The following SARDH variants were observed in gnomAD, a reference collection of about 807,000 sequenced individuals.
SARDH encodes the protein sarcosine dehydrogenase, mitochondrial.
Under a neutral mutation model 109.1 loss-of-function variants are expected in SARDH, and 95 were observed. The observed-to-expected ratio is 0.87, with a 90% CI of 0.74 to 1.03. The LOEUF is 1.03. Ranked by LOEUF, SARDH falls within the 50% of genes least tolerant of loss-of-function variation. The probability of loss-of-function intolerance (pLI) is 0.00; values close to 1 mark genes in which losing one functional copy is unlikely to be tolerated. For synonymous variants in SARDH, 572 were observed against 534.8 expected (o/e 1.07, Z -0.96); for missense variants, 1,267 against 1,287.8 (o/e 0.98, Z 0.25).
rs1588410346 is a variant in SARDH, at chr9:133,692,160, G to A, written c.1922-1633C>T. ...CCAGACTCTGACTCAATTCTCCATC[G>A]CAGCCCCGGGAGGCGCGTCTTCCTC... On this transcript the variant is annotated intron_variant, in intron 15 of 20. Coordinates refer to ENST00000439388, the MANE Select transcript of SARDH (RefSeq NM_001134707.2). The surrounding 1 kb of genome is among the most constrained non-coding windows in gnomAD (Gnocchi z 5.0). Among the ~76,000 whole-genome samples the A allele has an allele frequency of 6.6e-6, 1 of 152,094 alleles. No homozygotes were observed. The highest frequency in any genetic ancestry group is 1.9e-4 in the East Asian group (1 of 5,188).
chr9:133,686,825 G>C lies in SARDH; in HGVS notation c.2070-1539C>G, dbSNP rs1240458506. Among the ~76,000 whole-genome samples, 1 of 152,206 alleles carries C rather than the reference G, an allele frequency of 6.6e-6. No individual in the cohort carries two copies. The highest frequency in any genetic ancestry group is 1.5e-5 in the Non-Finnish European group (1 of 68,034). ...GCTCAGCTGTGGTACAGTTGGCCAA[G>C]ACCCTTATGTAACCACTCAGCACCC... is the stretch of plus-strand genomic sequence containing the variant. On this transcript the variant is annotated intron_variant, in intron 16 of 20. Transcript: ENST00000439388. The surrounding 1 kb of genome is among the most constrained non-coding windows in gnomAD (Gnocchi z 4.0).
chr9:133,679,756 G>A (rs889668588), intron 17 of SARDH, among the ~76,000 whole-genome samples: 7 of 152,242 alleles, frequency 4.6e-5, no homozygotes, highest in Non-Finnish European at 8.8e-5. Context: ...CCAGCCTCTC[G>A]GAGAACAATC....
At chr9:133,737,082 C>A (rs1832909502) in intron 1 of SARDH, among the ~76,000 whole-genome samples, 1 of 152,198 alleles carries the variant, frequency 6.6e-6, no homozygotes, top group Non-Finnish European at 1.5e-5. Context: ...TCTCTCCTGC[C>A]CCCTCTTCTG....
Position 133,663,804 on chromosome 9 carries a change from T to TGGGTCCA in SARDH, c.*78_*84dup, listed in dbSNP as rs1276265034. ...GGACAGGGAGGGCACAAGTTCTGGCTGGGTCCAGGGTCCTGGGACCCAGGG... is the reference window on the plus strand; with the variant it reads ...GGACAGGGAGGGCACAAGTTCTGGCTGGGTCCAGGGTCCAGGGTCCTGGGACCCAGGG... On this transcript the variant is annotated 3_prime_UTR_variant, in exon 21 of 21. Coordinates refer to ENST00000439388, the MANE Select transcript of SARDH (RefSeq NM_001134707.2). The TGGGTCCA allele has an allele frequency of 3.1e-5, 48 of 1,565,486 alleles. No homozygotes were observed. The highest frequency in any genetic ancestry group is 4.0e-5 in the Non-Finnish European group (46 of 1,151,940).
At position 133,730,163 on chromosome 9, in the gene SARDH, CGGTCACTG is replaced by C. The variant is rs1247220655; in HGVS notation, c.707_714del (p.Pro236ArgfsTer8). The C allele has an allele frequency of 6.2e-7, 1 of 1,614,110 alleles. No homozygotes were observed. Among genetic ancestry groups the C allele is most frequent in the African/African-American group, 1.3e-5 (1 of 74,946 alleles). On this transcript the variant is annotated frameshift_variant, in exon 5 of 21. Coordinates refer to ENST00000439388, the MANE Select transcript of SARDH (RefSeq NM_001134707.2). LOFTEE classifies it high-confidence loss of function. ...AAATCATCCGTCCACACACGAATGC[CGGTCACTG>C]GGCAGTTCTCAATGACCTGGAATTG...
rs370338553 is a variant in SARDH at position 133,673,053 on chromosome 9, C to G, written c.2164-1356G>C. ...TAATGTCTGTGGGCTGAGGCGGACA[C>G]AGAGGCTCCCAGAGGCACTGAGCAG... On this transcript the variant is annotated intron_variant, in intron 17 of 20. Transcript: ENST00000439388. Among the ~76,000 whole-genome samples, 3 of 152,340 alleles carry G rather than the reference C, an allele frequency of 2.0e-5. No individual in the cohort carries two copies. The East Asian group carries it at 5.8e-4, about 29-fold the overall frequency.
chr9:133,671,681 A>G lies in SARDH; in HGVS notation c.2180T>C (p.Leu727Pro), dbSNP rs764274328. 1.3e-6 allele frequency: 2 copies of G among 1,580,238 alleles called. No homozygotes were observed. Among genetic ancestry groups the G allele is most frequent in the African/African-American group, 1.3e-5 (1 of 74,320 alleles). Residue 727 changes from leucine (L) to proline (P), a missense_variant, in exon 18 of 21, where the codon CTG becomes CCG. Physicochemically the swap from Leu to Pro is moderately conservative, Grantham distance 98. Transcript: ENST00000439388. The part of the protein sequence containing the change: ...AAGHLVRAMR[L>P]SFVGELGWEL... ...CCAGCCCAGCTCCCCCACAAAGGAC[A>G]GCCGCATGGCTCGGACCTGGGGGAC...
At chr9:133,708,566 G>T in intron 10 of SARDH, 138 bp from the exon 11 acceptor site, 1 of 1,140,464 alleles carries the variant, frequency 8.8e-7, no homozygotes, top group Non-Finnish European at 1.2e-6. Context: ...GCGGGCCCCT[G>T]ACTCTCCATT....
At position 133,705,054 on chromosome 9, in the gene SARDH, C is replaced by T. The variant is rs552569223; in HGVS notation, c.1471-23G>A. Reference sequence around the variant, plus strand: ...TTCCTGAGCAGGAGTGGGGAACAGGCATCTGTCACGCATGGCCTGATACCC... The same window carrying T: ...TTCCTGAGCAGGAGTGGGGAACAGGTATCTGTCACGCATGGCCTGATACCC... On this transcript the variant is annotated intron_variant, in intron 11 of 20. Coordinates refer to ENST00000439388, the MANE Select transcript of SARDH (RefSeq NM_001134707.2). The T allele has an allele frequency of 1.1e-5, 17 of 1,572,136 alleles. 1 individual carries two copies. The highest frequency in any genetic ancestry group is 3.4e-4 in the Middle Eastern group (2 of 5,960).
intron 20 of SARDH, among the ~76,000 whole-genome samples, chr9:133,664,439 T>C (rs1002003876): frequency 7.9e-5 from 12 of 152,314 alleles, no homozygotes; most frequent in African/African-American, 2.6e-4. Flanking sequence ...TCTAGACAGC[T>C]TGGCCTCTGC....
chr9:133,712,884 C>T lies in SARDH; in HGVS notation c.1237+154G>A, dbSNP rs1831978817. 2.1e-6 allele frequency: 2 copies of T among 942,210 alleles called. No homozygotes were observed. The highest frequency in any genetic ancestry group is 1.5e-5 in the South Asian group (1 of 66,372). 58.4% of individuals were successfully genotyped at this position (942,210 alleles called of 1,614,324 possible). ...GCTGGACTGGACCCTGGCACAGGTG[C>T]ACTCTCTGGGAAGCAGAAGGGGCTG... On this transcript the variant is annotated intron_variant, in intron 9 of 20. Coordinates refer to ENST00000439388, the MANE Select transcript of SARDH (RefSeq NM_001134707.2). The surrounding 1 kb of genome is among the most constrained non-coding windows in gnomAD (Gnocchi z 4.1).
intron 1 of SARDH, among the ~76,000 whole-genome samples, chr9:133,736,597 T>C (rs1832894333): frequency 1.3e-5 from 2 of 152,224 alleles, no homozygotes; most frequent in South Asian, 2.1e-4. Flanking sequence ...GGTTTCACCA[T>C]GTTGGCCAGG....
intron 13 of SARDH, among the ~76,000 whole-genome samples, chr9:133,697,850 C>T (rs1831338399): frequency 6.6e-6 from 1 of 151,854 alleles, no homozygotes; most frequent in Non-Finnish European, 1.5e-5. Flanking sequence ...CAGGGGGGTC[C>T]ATTCTTGCCA....
At chr9:133,675,333 AGAGT>A (rs1180385223) in intron 17 of SARDH, among the ~76,000 whole-genome samples, 1 of 148,996 alleles carries the variant, frequency 6.7e-6, no homozygotes, top group Non-Finnish European at 1.5e-5. Context: ...CCTGGGCAAC[AGAGT>A]GAGACTCCAT....
In SARDH at chr9:133,694,363, C is replaced by A; in HGVS notation, c.1816G>T (p.Val606Leu). The part of the protein sequence containing the change: ...ADVSRPPGST[V>L]YTCMLNHRGG... ...CGGTGGTTGAGCATGCACGTGTACA[C>A]GGTGGAGCCTGCGAGAGGGAGAAGG... is the stretch of plus-strand genomic sequence containing the variant. The change falls in exon 15 of 21, where the codon GTG becomes TTG. Residue 606 changes from valine (V) to leucine (L), a missense_variant. Coordinates refer to ENST00000439388, the MANE Select transcript of SARDH (RefSeq NM_001134707.2). The A allele has an allele frequency of 6.4e-7, 1 of 1,550,476 alleles. No homozygotes were observed. Among genetic ancestry groups the A allele is most frequent in the Admixed American group, 2.0e-5 (1 of 51,000 alleles).
At chr9:133,689,146 C>T (rs1292656286) in intron 16 of SARDH, among the ~76,000 whole-genome samples, 1 of 151,242 alleles carries the variant, frequency 6.6e-6, no homozygotes, top group African/African-American at 2.4e-5. Flanking sequence ...CAAGTGCTCA[C>T]CTCGGCGACC....
At chr9:133,713,881 C>T (rs563993877) in intron 8 of SARDH, among the ~76,000 whole-genome samples, 25 of 152,368 alleles carry the variant, frequency 1.6e-4, no homozygotes, top group East Asian at 1.2e-3. Context: ...AGCCTACAGA[C>T]GTTCATGTCC....
Position 133,663,917 on chromosome 9 carries a change from T to A in SARDH, c.2729A>T (p.Asn910Ile), listed in dbSNP as rs749669835. Residue 910 changes from asparagine (N) to isoleucine (I), a missense_variant, in exon 21 of 21, where the codon AAC becomes ATC. Asn to Ile is a moderately radical substitution (Grantham distance 149, BLOSUM62 -3). Transcript: ENST00000439388. The stretch of plus-strand genomic sequence containing the variant: ...GTAGATTCCCTTCACCCTCTTGTTG[T>A]TGGGGTCGAAGGGCGACTTCAGGTG... ...QAHLKSPFDP[N>I]NKRVKGIY The A allele has an allele frequency of 2.5e-6, 4 of 1,614,122 alleles. No homozygotes were observed.
intron 17 of SARDH, among the ~76,000 whole-genome samples, chr9:133,682,601 C>G (rs1830734061): frequency 6.6e-6 from 1 of 152,202 alleles, no homozygotes; most frequent in Non-Finnish European, 1.5e-5. Context: ...CCAAAGTGGG[C>G]TTGGTAGAAG....
Sources: allele counts gnomAD v4.1 joint callset (sites outside exome capture counted in the v4.1 genomes callset), GRCh38; gene constraint gnomAD v4.1.1; non-coding constraint Gnocchi (gnomAD v3.1); transcripts MANE v1.5; gene names NCBI Gene and HGNC (gene_info 2026-07-23, HGNC 2026-07-21).